The following ABCA10 variants were observed in gnomAD, a reference collection of about 807,000 sequenced individuals.
ABCA10 encodes ATP-binding cassette sub-family A member 10.
ABCA10 carries 169 observed loss-of-function variants against 187.5 expected under a neutral mutation model. The ratio of observed to expected loss-of-function variants is 0.90; its 90% CI spans 0.80 to 1.02. The LOEUF is 1.02. ABCA10 is among the 50% of genes least tolerant of loss of function. The probability of loss-of-function intolerance (pLI) is 0.00; values close to 1 mark genes in which losing one functional copy is unlikely to be tolerated. For missense variants in ABCA10, 1,727 were observed against 1,812.4 expected (o/e 0.95, Z 0.86); for synonymous variants, 574 against 601.8 (o/e 0.95, Z 0.68).
intron 9 of ABCA10, among the ~76,000 whole-genome samples, chr17:69,208,835 G>A (rs538775088): frequency 5.3e-5 from 8 of 152,208 alleles, no homozygotes; most frequent in Admixed American, 4.6e-4. Flanking sequence ...CCAGGAGTTT[G>A]AGACCAGCCT....
At chr17:69,149,847 G>C in intron 37 of ABCA10, 137 bp downstream of exon 37, 1 of 668,304 alleles carries the variant, frequency 1.5e-6, no homozygotes, top group Non-Finnish European at 2.4e-6. Flanking sequence ...CTTTGAGATT[G>C]TTATGACTAT....
At chr17:69,167,622 CAATTTGATGG>C (rs1281249566) in intron 25 of ABCA10, among the ~76,000 whole-genome samples, 1 of 151,996 alleles carries the variant, frequency 6.6e-6, no homozygotes, top group East Asian at 1.9e-4. Context: ...TAACACAAGA[CAATTTGATGG>C]AAAGGAGGGT....
intron 22 of ABCA10, among the ~76,000 whole-genome samples, chr17:69,176,923 T>A (rs903220393): frequency 6.6e-6 from 1 of 152,088 alleles, no homozygotes; most frequent in Non-Finnish European, 1.5e-5. Flanking sequence ...ACTAAAGAGA[T>A]ACCTTTTTTC....
intron 15 of ABCA10, 66 bp downstream of exon 15, chr17:69,193,044 C>T (rs1335991813): frequency 3.3e-6 from 5 of 1,517,580 alleles, no homozygotes; most frequent in Non-Finnish European, 4.4e-6. Context: ...TGAAAACAGG[C>T]TATGAAAAAT....
Position 69,155,018 on chromosome 17 carries a change from C to G in ABCA10, c.3694+1G>C. 1 of 1,572,104 alleles carries G rather than the reference C, an allele frequency of 6.4e-7. No individual in the cohort carries two copies. The highest frequency in any genetic ancestry group is 8.7e-7 in the Non-Finnish European group (1 of 1,145,892). On this transcript the variant is annotated splice_donor_variant, in intron 30 of 38. Coordinates refer to ENST00000690296, the MANE Select transcript of ABCA10 (RefSeq NM_001377321.1). LOFTEE classifies it high-confidence loss of function. The stretch of plus-strand genomic sequence containing the variant: ...ATAATAAAAGGAACAATTGTTCAAA[C>G]CTTTTTTAACACAAAAGGAAACATT...
At position 69,149,080 on chromosome 17, in the gene ABCA10, T is replaced by A; in HGVS notation, c.4486A>T (p.Thr1496Ser). Residue 1496 changes from threonine (T) to serine (S), a missense_variant, in exon 38 of 39, where the codon ACC becomes TCC. Transcript: ENST00000690296. ...AGGCTGTATTCCTCCAGGTTGAAGG[T>A]CTGTTTCACTGCATGTAAAGAGACT... The part of the protein sequence containing the change: ...AFFKLEAMKQ[T>S]FNLEEYSLSQ... 6.2e-7 allele frequency: 1 copy of A among 1,613,976 alleles called. No individual in the cohort carries two copies. Among genetic ancestry groups the A allele is most frequent in the Non-Finnish European group, 8.5e-7 (1 of 1,179,884 alleles).
rs148647299 is a variant in ABCA10, at chr17:69,200,816, C to T, written c.1175+684G>A. On this transcript the variant is annotated intron_variant, in intron 10 of 38. Transcript: ENST00000690296. ...CAAACTCCACCTCTTGGGCTCAAGCCATCCTCCCACGTCAGCCTCCCCAGT... is the reference window on the plus strand; with the variant it reads ...CAAACTCCACCTCTTGGGCTCAAGCTATCCTCCCACGTCAGCCTCCCCAGT... 2.0e-3 allele frequency among the ~76,000 whole-genome samples: 308 copies of T among 152,110 alleles called. 3 individuals carry two copies. The highest frequency in any genetic ancestry group is 7.2e-3 in the African/African-American group (297 of 41,382).
At chr17:69,244,344 T>A (rs541181881) in intron 1 of ABCA10, 1 of 152,114 alleles carries the variant, frequency 6.6e-6, no homozygotes. Flanking sequence ...ATTTTTAATA[T>A]GAGCTACTCA....
At chr17:69,153,749 A>T (rs2074149339) in intron 32 of ABCA10, 82 bp downstream of exon 32, 1 of 1,500,240 alleles carries the variant, frequency 6.7e-7, no homozygotes, top group Admixed American at 2.2e-5. Flanking sequence ...GACATTGTTT[A>T]TAATTTCCTT....
chr17:69,152,317 C>T, intron 35 of ABCA10, 45 bp downstream of exon 35: 1 of 1,592,148 alleles, frequency 6.3e-7, no homozygotes, highest in Non-Finnish European at 8.5e-7. Flanking sequence ...GAAACTCTCT[C>T]TATAAGAACA....
chr17:69,178,418 A>G (rs1164285558), intron 22 of ABCA10, among the ~76,000 whole-genome samples: 1 of 152,076 alleles, frequency 6.6e-6, no homozygotes, highest in African/African-American at 2.4e-5. Flanking sequence ...CATCAACGTC[A>G]CCCGGTACTT....
At chr17:69,195,391 C>CA (rs1289882668) in intron 11 of ABCA10, among the ~76,000 whole-genome samples, 1 of 151,408 alleles carries the variant, frequency 6.6e-6, no homozygotes, top group Non-Finnish European at 1.5e-5. Context: ...TGTATATATA[C>CA]AAAAAAGATA....
chr17:69,174,466 C>G (rs1196970334), intron 24 of ABCA10, 72 bp from the exon 25 acceptor site: 9 of 1,452,822 alleles, frequency 6.2e-6, no homozygotes, highest in Non-Finnish European at 8.4e-6. Context: ...GGGAGATAAT[C>G]AGGTCATAAA....
intron 9 of ABCA10, among the ~76,000 whole-genome samples, chr17:69,213,196 G>GCTGC (rs2074673578): frequency 6.6e-6 from 1 of 152,196 alleles, no homozygotes; most frequent in Non-Finnish European, 1.5e-5. Flanking sequence ...GACAGCACCA[G>GCTGC]CTGCTGTAGC....
chr17:69,182,805 G>T lies in ABCA10; in HGVS notation c.2501C>A (p.Ser834Ter). 1.3e-6 allele frequency: 2 copies of T among 1,573,114 alleles called. No homozygotes were observed. Among genetic ancestry groups the T allele is most frequent in the South Asian group, 2.3e-5 (2 of 85,540 alleles). The change falls in exon 21 of 39, where the codon TCA becomes TAA. Residue 834 changes from serine (S) to a stop codon, truncating the protein, a stop_gained. Transcript: ENST00000690296. LOFTEE classifies it high-confidence loss of function. ...TGAATGCACGAGGTCTTCAATATTT[G>T]ATCCTAACATAGTGGAAGGAAGGCA... is the stretch of plus-strand genomic sequence containing the variant. ...TSLLIVNNTG[S>*]NIEDLVHSLK...
At chr17:69,195,168 A>G (rs1568064097) in intron 11 of ABCA10, among the ~76,000 whole-genome samples, 1 of 152,168 alleles carries the variant, frequency 6.6e-6, no homozygotes, top group African/African-American at 2.4e-5. Flanking sequence ...GGAAATTTTA[A>G]AAGATTCTCT....
At chr17:69,155,739 A>G (rs766626340) in intron 29 of ABCA10, 66 bp downstream of exon 29, 260 of 1,531,058 alleles carry the variant, frequency 1.7e-4, no homozygotes, top group Non-Finnish European at 2.2e-4. Flanking sequence ...AAAAACCAAC[A>G]TCTCATCAAT....
intron 1 of ABCA10, among the ~76,000 whole-genome samples, chr17:69,236,690 A>G (rs2074873838): frequency 1.3e-5 from 2 of 152,304 alleles, no homozygotes; most frequent in East Asian, 1.9e-4. Context: ...AATGCATTAA[A>G]TCAGTATTTT....
rs1157540381 is a variant in ABCA10, at chr17:69,228,777, C to G, written c.-509G>C. ...CCAACAAATTCTGTTGGTTTTTTCCCTATGTTTTTCTCCTTGTCCAGTTAC... is the reference window on the plus strand; with the variant it reads ...CCAACAAATTCTGTTGGTTTTTTCCGTATGTTTTTCTCCTTGTCCAGTTAC... On this transcript the variant is annotated 5_prime_UTR_variant, in exon 1 of 39. Transcript: ENST00000690296. 1 of 151,892 alleles carries G rather than the reference C, an allele frequency of 6.6e-6. No homozygotes were observed. Among genetic ancestry groups the G allele is most frequent in the South Asian group, 2.1e-4 (1 of 4,826 alleles). 9.4% of individuals were successfully genotyped at this position (151,892 alleles called of 1,614,324 possible).
Sources: gnomAD v4.1 joint callset for allele counts (sites outside exome capture counted in the v4.1 genomes callset) on GRCh38, gnomAD v4.1.1 for gene constraint, MANE v1.5 for transcripts, NCBI Gene and HGNC (gene_info 2026-07-23, HGNC 2026-07-21) for gene names.